C1QTNF7: variants seen among roughly 807,000 people sequenced by gnomAD.
C1QTNF7 encodes C1q and TNF related 7, also known as complement C1q tumor necrosis factor-related protein 7.
In C1QTNF7, 15 loss-of-function variants were observed where a neutral mutation model predicts 19.6. The observed-to-expected ratio is 0.76, with a 90% CI of 0.51 to 1.18. The LOEUF (loss-of-function observed/expected upper bound fraction) is 1.18. Ranked by LOEUF, C1QTNF7 falls within the 50% of genes most tolerant of loss-of-function variation. The pLI is 0.00. For synonymous variants in C1QTNF7, 142 were observed against 137.5 expected, an observed-to-expected ratio of 1.03 and a Z score of -0.23; for missense variants, 324 against 359.7, an observed-to-expected ratio of 0.90 and a Z score of 0.80.
intron 1 of C1QTNF7, among the ~76,000 whole-genome samples, chr4:15,413,820 A>G (rs1321838805): frequency 6.6e-6 from 1 of 152,302 alleles, no homozygotes; most frequent in Admixed American, 6.5e-5. Flanking sequence ...CAACCACAAT[A>G]CCGCGTGATC....
intron 1 of C1QTNF7, among the ~76,000 whole-genome samples, chr4:15,373,263 A>G (rs1181408052): frequency 6.6e-6 from 1 of 152,202 alleles, no homozygotes; most frequent in Admixed American, 6.5e-5. Context: ...ACAGAAGGGT[A>G]GAGGGCAAAA....
chr4:15,374,724 C>T (rs529607875), intron 1 of C1QTNF7: 15 of 985,258 alleles, frequency 1.5e-5, no homozygotes, highest in Non-Finnish European at 1.8e-5. Context: ...CATCTGCGCA[C>T]ACTAGAGTTC....
Position 15,443,009 on chromosome 4 carries a change from T to C in C1QTNF7, c.*210T>C. On this transcript the variant is annotated 3_prime_UTR_variant, in exon 3 of 3. Transcript: ENST00000444304. ...ATTAAAGAATAGCCCCAGATATAAATTCTCTTGAAAGCAATGTTCATAAAT... is the reference window on the plus strand; with the variant it reads ...ATTAAAGAATAGCCCCAGATATAAACTCTCTTGAAAGCAATGTTCATAAAT... The C allele has an allele frequency of 2.4e-6, 1 of 425,232 alleles. No homozygotes were observed. The highest frequency in any genetic ancestry group is 6.7e-5 in the South Asian group (1 of 15,028). The allele number at this position is 425,232 out of a possible 1,614,324, so 26.3% of individuals were successfully genotyped here.
chr4:15,415,756 G>A (rs2108920868), intron 1 of C1QTNF7, among the ~76,000 whole-genome samples: 1 of 152,164 alleles, frequency 6.6e-6, no homozygotes, highest in East Asian at 1.9e-4. Flanking sequence ...TGGCCTGTAT[G>A]TATTATTTTT....
chr4:15,378,814 G>A (rs1187153313), intron 1 of C1QTNF7, among the ~76,000 whole-genome samples: 1 of 152,206 alleles, frequency 6.6e-6, no homozygotes, highest in East Asian at 1.9e-4. Flanking sequence ...TCCAGGGTCT[G>A]AAATGTTCCT....
rs569940300 is a variant in C1QTNF7, at chr4:15,362,776, A to C, written c.13+22569A>C. Among the ~76,000 whole-genome samples the C allele has an allele frequency of 3.0e-4, 45 of 152,310 alleles. No homozygotes were observed. In the South Asian group the frequency reaches 8.9e-3, roughly 30 times the overall value. ...GTTGGTGCCAGATGTTAACTGGGCA[A>C]GCTTGGCTATTTCACACTTGACTAT... is the stretch of plus-strand genomic sequence containing the variant. On this transcript the variant is annotated intron_variant, in intron 1 of 2. Coordinates refer to the C1QTNF7 transcript ENST00000295297.
At chr4:15,406,389 AC>A (rs1354745155) in intron 1 of C1QTNF7, among the ~76,000 whole-genome samples, 1 of 152,148 alleles carries the variant, frequency 6.6e-6, no homozygotes, top group Non-Finnish European at 1.5e-5. Flanking sequence ...CACTGAGGAC[AC>A]CCCATAGTGC....
chr4:15,386,154 C>T (rs1207923240), intron 1 of C1QTNF7, among the ~76,000 whole-genome samples: 1 of 152,186 alleles, frequency 6.6e-6, no homozygotes, highest in Non-Finnish European at 1.5e-5. Context: ...AGCCCGGCTC[C>T]ACAGGGTTCT....
Position 15,442,314 on chromosome 4 carries a change from G to C in C1QTNF7, c.385G>C (p.Glu129Gln). 1 of 1,614,130 alleles carries C rather than the reference G, an allele frequency of 6.2e-7. No individual in the cohort carries two copies. The highest frequency in any genetic ancestry group is 8.5e-7 in the Non-Finnish European group (1 of 1,180,024). The change falls in exon 3 of 3, where the codon GAA (glutamate) becomes CAA (glutamine). Residue 129 changes from glutamate (E) to glutamine (Q), a missense_variant. By Grantham distance (29) the Glu-to-Gln change is conservative (BLOSUM62 2). Coordinates refer to ENST00000444304, the MANE Select transcript of C1QTNF7 (RefSeq NM_031911.5). ...GPPGPKGDRG[E>Q]QGDPGLPGVC... Reference sequence around the variant, plus strand: ...TCCTGGACCAAAGGGAGACAGAGGAGAACAAGGGGACCCGGGGCTGCCTGG... The same window carrying C: ...TCCTGGACCAAAGGGAGACAGAGGACAACAAGGGGACCCGGGGCTGCCTGG...
intron 1 of C1QTNF7, among the ~76,000 whole-genome samples, chr4:15,414,009 G>C (rs1304689289): frequency 6.6e-6 from 1 of 152,166 alleles, no homozygotes; most frequent in East Asian, 1.9e-4. Context: ...CTGCACACAG[G>C]TATAATGGGC....
chr4:15,436,530 T>C (rs1712544845), intron 2 of C1QTNF7, among the ~76,000 whole-genome samples: 1 of 152,212 alleles, frequency 6.6e-6, no homozygotes, highest in Non-Finnish European at 1.5e-5. Flanking sequence ...ACAGATGAAG[T>C]GACAATAGCA....
chr4:15,437,641 C>T (rs937554083), intron 2 of C1QTNF7, among the ~76,000 whole-genome samples: 9 of 152,208 alleles, frequency 5.9e-5, no homozygotes, highest in African/African-American at 2.2e-4. Flanking sequence ...CCACCACATT[C>T]ATAGATCCAC....
chr4:15,415,099 A>T (rs1254178679), intron 1 of C1QTNF7, among the ~76,000 whole-genome samples: 1 of 152,246 alleles, frequency 6.6e-6, no homozygotes, highest in Non-Finnish European at 1.5e-5. Context: ...ACATCTTTTC[A>T]CAAAACAAGT....
At chr4:15,345,041 G>A (rs1316301557) in intron 1 of C1QTNF7, among the ~76,000 whole-genome samples, 1 of 152,172 alleles carries the variant, frequency 6.6e-6, no homozygotes, top group African/African-American at 2.4e-5. Flanking sequence ...ATTTTCCAAT[G>A]CCTTACAACT....
At chr4:15,395,330 C>CCAGA (rs1258844721) in intron 1 of C1QTNF7, among the ~76,000 whole-genome samples, 5 of 152,088 alleles carry the variant, frequency 3.3e-5, no homozygotes, top group African/African-American at 1.2e-4. Flanking sequence ...GGGGCGTGGA[C>CCAGA]TCTGGATTGG....
chr4:15,425,818 A>G (rs1712018122), upstream of C1QTNF7, among the ~76,000 whole-genome samples: 1 of 152,104 alleles, frequency 6.6e-6, no homozygotes, highest in South Asian at 2.1e-4. Context: ...TTTTTAAAAT[A>G]CTTCTACCAC....
intron 1 of C1QTNF7, chr4:15,340,281 G>A (rs1716493908): frequency 6.7e-6 from 10 of 1,496,680 alleles, no homozygotes; most frequent in Middle Eastern, 1.7e-4. Flanking sequence ...TTTCCTGGGA[G>A]AACTTAAGAA....
chr4:15,419,902 T>A (rs1390998597), intron 1 of C1QTNF7: 2 of 152,172 alleles, frequency 1.3e-5, no homozygotes, highest in Non-Finnish European at 2.9e-5. Flanking sequence ...ATTAGAATCC[T>A]TGCCAGTGGT....
chr4:15,340,098 C>CAG (rs1716487139), exon 1 of C1QTNF7: 2 of 1,359,536 alleles, frequency 1.5e-6, no homozygotes, highest in African/African-American at 1.4e-5. Flanking sequence ...GAATAATAAA[C>CAG]ACATATTTCT....
Sources: gnomAD v4.1 joint callset for allele counts (sites outside exome capture counted in the v4.1 genomes callset) on GRCh38, gnomAD v4.1.1 for gene constraint, MANE v1.5 for transcripts, NCBI Gene and HGNC (gene_info 2026-07-23, HGNC 2026-07-21) for gene names.